The following GOLGA7B variants were observed in gnomAD, a reference collection of about 807,000 sequenced individuals.
The protein encoded by GOLGA7B is golgin A7 family member B, also known as golgin subfamily A member 7B.
Under a neutral mutation model 21.5 loss-of-function variants are expected in GOLGA7B, and 17 were observed. The ratio of observed to expected loss-of-function variants is 0.79; its 90% confidence interval spans 0.54 to 1.19. GOLGA7B has a LOEUF of 1.19. Among genes scored for constraint, GOLGA7B ranks in the 50% most tolerant of loss-of-function variants. The pLI is 0.00. For missense variants in GOLGA7B, 169 were observed against 224.4 expected (o/e 0.75, Z 1.58); for synonymous variants, 87 against 84.0 (o/e 1.04, Z -0.19).
At chr10:97,863,756 C>T (rs1430862086) in intron 2 of GOLGA7B, among the ~76,000 whole-genome samples, 174 bp from the exon 3 acceptor site, 1 of 152,248 alleles carries the variant, frequency 6.6e-6, no homozygotes, top group Non-Finnish European at 1.5e-5. Context: ...CCCCAGTCTC[C>T]TGACTCCCAG....
At chr10:97,863,728 C>A (rs2049987278) in intron 2 of GOLGA7B, among the ~76,000 whole-genome samples, 1 of 152,222 alleles carries the variant, frequency 6.6e-6, no homozygotes, top group Non-Finnish European at 1.5e-5. Flanking sequence ...TAGTTGATGG[C>A]CAAGTCTGGA....
At chr10:97,853,615 G>A (rs1470415632) in intron 1 of GOLGA7B, among the ~76,000 whole-genome samples, 1 of 152,196 alleles carries the variant, frequency 6.6e-6, no homozygotes, top group Non-Finnish European at 1.5e-5. Context: ...AGTGAGCCAG[G>A]GGTGGCAATG....
chr10:97,864,610 G>C (rs1451340116), intron 4 of GOLGA7B, among the ~76,000 whole-genome samples: 1 of 152,182 alleles, frequency 6.6e-6, no homozygotes, highest in Non-Finnish European at 1.5e-5. Context: ...TCGTGCAGCT[G>C]GTGAATGTGG....
chr10:97,859,692 G>A (rs1002360581), intron 2 of GOLGA7B, 109 bp downstream of exon 2: 35 of 1,165,604 alleles, frequency 3.0e-5, no homozygotes, highest in Admixed American at 4.8e-5. Context: ...CATAGGACAC[G>A]TAACATGTTT....
At chr10:97,858,955 T>C (rs1488602679) in intron 1 of GOLGA7B, among the ~76,000 whole-genome samples, 3 of 152,250 alleles carry the variant, frequency 2.0e-5, no homozygotes, top group East Asian at 1.9e-4. Context: ...GAACGCTTGG[T>C]ACTTGGTGAA....
intron 4 of GOLGA7B, chr10:97,865,245 T>TA: frequency 6.7e-6 from 2 of 298,260 alleles, no homozygotes; most frequent in Non-Finnish European, 1.2e-5. Flanking sequence ...AAAGTCCTCA[T>TA]ACTTCCTGTG....
chr10:97,850,270 C>A lies in GOLGA7B; in HGVS notation c.-34C>A. The stretch of plus-strand genomic sequence containing the variant: ...CAGCACCGCGGAGACCCCCCTCGCC[C>A]GGCCCCGCGACAGCCTCCGAGCGCC... On this transcript the variant is annotated 5_prime_UTR_variant, in exon 1 of 5. Coordinates refer to ENST00000370602, the MANE Select transcript of GOLGA7B (RefSeq NM_001010917.3). The A allele has an allele frequency of 1.4e-6, 2 of 1,468,058 alleles. No individual in the cohort carries two copies. Among genetic ancestry groups the A allele is most frequent in the Non-Finnish European group, 1.8e-6 (2 of 1,110,414 alleles). 90.9% of individuals were successfully genotyped at this position (1,468,058 alleles called of 1,614,324 possible).
At chr10:97,858,215 G>A (rs955327494) in intron 1 of GOLGA7B, among the ~76,000 whole-genome samples, 1 of 152,082 alleles carries the variant, frequency 6.6e-6, no homozygotes, top group Non-Finnish European at 1.5e-5. Context: ...TTCTGAGTGA[G>A]CATTTCTGGG....
chr10:97,853,648 A>T (rs1012040949), intron 1 of GOLGA7B, among the ~76,000 whole-genome samples: 1 of 152,170 alleles, frequency 6.6e-6, no homozygotes, highest in Non-Finnish European at 1.5e-5. Flanking sequence ...AGGGTTGAGG[A>T]AGGTGAGAAG....
chr10:97,854,497 A>G (rs1287520566), intron 1 of GOLGA7B, among the ~76,000 whole-genome samples: 2 of 152,176 alleles, frequency 1.3e-5, no homozygotes, highest in East Asian at 1.9e-4. Flanking sequence ...TATGTACTCT[A>G]TGTAGGTCTG....
Position 97,867,087 on chromosome 10 carries a change from C to T in GOLGA7B, c.*1387C>T, listed in dbSNP as rs1362245996. On this transcript the variant is annotated 3_prime_UTR_variant, in exon 5 of 5. Transcript: ENST00000370602. ...AAACTTTGGTGGCCTTTGGTGCCCC[C>T]TCTCAGCTCCCCATGACAAGACAAC... 6.6e-6 allele frequency: 1 copy of T among 152,374 alleles called. No homozygotes were observed. Among genetic ancestry groups the T allele is most frequent in the Non-Finnish European group, 1.5e-5 (1 of 68,168 alleles). 9.4% of individuals were successfully genotyped at this position (152,374 alleles called of 1,614,324 possible).
At position 97,864,083 on chromosome 10, in the gene GOLGA7B, G is replaced by T; in HGVS notation, c.291+1G>T. 5 of 1,613,934 alleles carry T rather than the reference G, an allele frequency of 3.1e-6. No individual in the cohort carries two copies. Among genetic ancestry groups the T allele is most frequent in the Non-Finnish European group, 4.2e-6 (5 of 1,179,850 alleles). ...CTGCATGGAGACCCACTATGAGAAG[G>T]TGGCCCCTCCCGCCCCACCGTGCAT... On this transcript the variant is annotated splice_donor_variant, in intron 3 of 4. Transcript: ENST00000370602. LOFTEE classifies it high-confidence loss of function.
At chr10:97,858,776 G>A (rs1324785110) in intron 1 of GOLGA7B, among the ~76,000 whole-genome samples, 4 of 152,162 alleles carry the variant, frequency 2.6e-5, no homozygotes, top group Non-Finnish European at 5.9e-5. Context: ...CTCTCTGGCC[G>A]GGGCCATAAA....
At chr10:97,865,542 C>A (rs565111213) in intron 4 of GOLGA7B, 48 bp from the exon 5 acceptor site, 2 of 1,603,882 alleles carry the variant, frequency 1.2e-6, no homozygotes, top group African/African-American at 2.7e-5. Flanking sequence ...CATGTCCCAC[C>A]CCTGCTCAGC....
At chr10:97,860,085 A>G (rs1360484625) in intron 2 of GOLGA7B, among the ~76,000 whole-genome samples, 2 of 152,350 alleles carry the variant, frequency 1.3e-5, no homozygotes, top group South Asian at 4.1e-4. Context: ...TGGAATCAGC[A>G]TAGTTTTAAA....
In GOLGA7B at chr10:97,865,821, GGTGGGAGGGAGGGT is replaced by G; in HGVS notation, c.*123_*136del. On this transcript the variant is annotated 3_prime_UTR_variant, in exon 5 of 5. Coordinates refer to ENST00000370602, the MANE Select transcript of GOLGA7B (RefSeq NM_001010917.3). Reference sequence around the variant, plus strand: ...TCTTTGGGCTCACCCTGCTGCCCGGGGTGGGAGGGAGGGTGACGGGCCTCATATTTCCTGTGGGC... The same window carrying G: ...TCTTTGGGCTCACCCTGCTGCCCGGGGACGGGCCTCATATTTCCTGTGGGC... 7.8e-7 allele frequency: 1 copy of G among 1,274,916 alleles called. No individual in the cohort carries two copies. The highest frequency in any genetic ancestry group is 1.0e-6 in the Non-Finnish European group (1 of 956,408). 79.0% of individuals were successfully genotyped at this position (1,274,916 alleles called of 1,614,324 possible).
In GOLGA7B at chr10:97,871,194, C is replaced by T. The variant is rs1009882273; in HGVS notation, c.*5494C>T. On this transcript the variant is annotated 3_prime_UTR_variant, in exon 5 of 5. Transcript: ENST00000370602. ...TTCCTCCAAGAGGATGTTCAAAGGG[C>T]CTGTCATTTCAGCATCTGCTGGACA... The T allele has an allele frequency of 1.3e-5, 2 of 152,184 alleles. No homozygotes were observed. The highest frequency in any genetic ancestry group is 1.5e-5 in the Non-Finnish European group (1 of 68,042). 9.4% of individuals were successfully genotyped at this position (152,184 alleles called of 1,614,324 possible).
intron 1 of GOLGA7B, 120 bp downstream of exon 1, chr10:97,850,435 G>T: frequency 1.2e-6 from 1 of 840,518 alleles, no homozygotes; most frequent in Non-Finnish European, 1.8e-6. Flanking sequence ...GATTCCCCAG[G>T]TCAGGTCTGG....
chr10:97,855,334 G>T (rs1022046957), intron 1 of GOLGA7B, among the ~76,000 whole-genome samples: 1 of 152,166 alleles, frequency 6.6e-6, no homozygotes, highest in Non-Finnish European at 1.5e-5. Context: ...GCAATCCTAT[G>T]CAAAGAACAA....
Sources: allele counts gnomAD v4.1 joint callset (sites outside exome capture counted in the v4.1 genomes callset), GRCh38; gene constraint gnomAD v4.1.1; transcripts MANE v1.5; gene names NCBI Gene and HGNC (gene_info 2026-07-23, HGNC 2026-07-21).